The following C8orf34 variants were observed in gnomAD, a reference collection of about 807,000 sequenced individuals.
C8orf34 encodes uncharacterized protein C8orf34.
Under a neutral mutation model 68.3 loss-of-function variants are expected in C8orf34, and 65 were observed. The observed-to-expected ratio is 0.95, with a 90% CI of 0.78 to 1.17. C8orf34 has a LOEUF of 1.17. Ranked by LOEUF, C8orf34 falls within the 50% of genes most tolerant of loss-of-function variation. The pLI is 0.00. For missense variants in C8orf34, 664 were observed against 655.4 expected (o/e 1.01, Z -0.14); for synonymous variants, 244 against 241.2 (o/e 1.01, Z -0.11).
chr8:68,698,893 A>G lies in C8orf34; in HGVS notation c.1242-10101A>G, dbSNP rs1433409594. 2.6e-5 allele frequency among the ~76,000 whole-genome samples: 4 copies of G among 152,202 alleles called. No homozygotes were observed. In the East Asian group the frequency reaches 7.7e-4, roughly 29 times the overall value. Reference sequence around the variant, plus strand: ...GAAAAACACCAGCATCCCCTGGTAGAGTCTTCCCCATTTTTGAAATTCTGG... The same window carrying G: ...GAAAAACACCAGCATCCCCTGGTAGGGTCTTCCCCATTTTTGAAATTCTGG... On this transcript the variant is annotated intron_variant, in intron 8 of 13. Coordinates refer to ENST00000518698, the MANE Select transcript of C8orf34 (RefSeq NM_052958.4).
At chr8:68,371,475 A>G (rs906009936) in intron 1 of C8orf34, among the ~76,000 whole-genome samples, 1 of 152,194 alleles carries the variant, frequency 6.6e-6, no homozygotes, top group African/African-American at 2.4e-5. Context: ...TATTTATGAC[A>G]TCCTATATGA....
At chr8:68,697,879 C>A (rs1222879467) in intron 8 of C8orf34, among the ~76,000 whole-genome samples, 1 of 152,016 alleles carries the variant, frequency 6.6e-6, no homozygotes, top group Non-Finnish European at 1.5e-5. Context: ...CTCGGGGGAG[C>A]CTTTCTGTTT....
At chr8:68,470,326 G>A (rs940949268) in intron 4 of C8orf34, among the ~76,000 whole-genome samples, 9 of 152,088 alleles carry the variant, frequency 5.9e-5, no homozygotes, top group African/African-American at 2.2e-4. Context: ...ATTGAAGAAT[G>A]TGTCTGATCA....
intron 5 of C8orf34, among the ~76,000 whole-genome samples, chr8:68,489,901 A>T (rs1247770997): frequency 6.6e-6 from 1 of 152,230 alleles, no homozygotes; most frequent in East Asian, 1.9e-4. Context: ...ATTTATGAAT[A>T]TATTCTTAAA....
chr8:68,403,250 C>G (rs1809038208), intron 1 of C8orf34, among the ~76,000 whole-genome samples: 2 of 152,154 alleles, frequency 1.3e-5, no homozygotes, highest in South Asian at 4.1e-4. Context: ...GTGTCATGCT[C>G]CATCCCTTAC....
chr8:68,568,163 A>G (rs1816653849), intron 7 of C8orf34, among the ~76,000 whole-genome samples: 1 of 152,160 alleles, frequency 6.6e-6, no homozygotes, highest in Non-Finnish European at 1.5e-5. Flanking sequence ...TAGGAACACC[A>G]CACATCACTG....
chr8:68,595,279 C>T (rs1529831), intron 7 of C8orf34, among the ~76,000 whole-genome samples: 20,314 of 151,832 alleles, frequency 0.13, 1,842 homozygotes, highest in African/African-American at 0.25. Flanking sequence ...GATCTTTAAA[C>T]AATTGTCAAT....
intron 1 of C8orf34, among the ~76,000 whole-genome samples, chr8:68,402,993 AGCAG>A (rs1809024581): frequency 6.6e-6 from 1 of 152,212 alleles, no homozygotes; most frequent in Non-Finnish European, 1.5e-5. Context: ...ACTGGGAAGC[AGCAG>A]GCAGGGAAAC....
At position 68,754,128 on chromosome 8, in the gene C8orf34, C is replaced by T. The variant is rs190172489; in HGVS notation, c.1405-22271C>T. 4.9e-3 allele frequency among the ~76,000 whole-genome samples: 750 copies of T among 152,122 alleles called. 2 individuals are homozygous for T. Among genetic ancestry groups the T allele is most frequent in the Middle Eastern group, 0.014 (4 of 292 alleles). The stretch of plus-strand genomic sequence containing the variant: ...AATCACTTAAAAAATAAAAAAGGGC[C>T]GGGAGCAATTTAGTTCAACAAAGTG... On this transcript the variant is annotated intron_variant, in intron 10 of 13. Transcript: ENST00000518698.
chr8:68,351,691 G>GT (rs1311407309), intron 1 of C8orf34, among the ~76,000 whole-genome samples: 1 of 151,902 alleles, frequency 6.6e-6, no homozygotes, highest in Non-Finnish European at 1.5e-5. Flanking sequence ...GTGGACATAA[G>GT]TTTTCAATTC....
chr8:68,623,849 A>G (rs1433544058), intron 7 of C8orf34, among the ~76,000 whole-genome samples: 1 of 152,066 alleles, frequency 6.6e-6, no homozygotes, highest in Non-Finnish European at 1.5e-5. Context: ...ACCTCCTAAT[A>G]CCTTCACATC....
At chr8:68,762,323 T>C (rs1164730209) in intron 10 of C8orf34, among the ~76,000 whole-genome samples, 1 of 151,978 alleles carries the variant, frequency 6.6e-6, no homozygotes, top group Non-Finnish European at 1.5e-5. Flanking sequence ...TAACTGGCAG[T>C]GACCATAAGA....
chr8:68,756,911 C>T (rs1418229382), intron 10 of C8orf34, among the ~76,000 whole-genome samples: 19 of 152,040 alleles, frequency 1.2e-4, no homozygotes, highest in Admixed American at 1.2e-3. Flanking sequence ...TGAAAGAGAA[C>T]TCTTATTTAG....
intron 1 of C8orf34, among the ~76,000 whole-genome samples, chr8:68,399,094 T>C (rs1808842372): frequency 6.6e-6 from 1 of 152,186 alleles, no homozygotes; most frequent in Non-Finnish European, 1.5e-5. Context: ...TGAAACTGTA[T>C]TTATTAGAAT....
chr8:68,768,402 C>T (rs1452304594), intron 10 of C8orf34, among the ~76,000 whole-genome samples: 1 of 152,134 alleles, frequency 6.6e-6, no homozygotes, highest in Non-Finnish European at 1.5e-5. Context: ...CTGCTCATTG[C>T]CCCTGAGTTT....
chr8:68,336,662 G>A (rs1411243996), intron 1 of C8orf34, among the ~76,000 whole-genome samples: 1 of 152,114 alleles, frequency 6.6e-6, no homozygotes, highest in Non-Finnish European at 1.5e-5. Context: ...GAAGGGCCTG[G>A]GAATAACAAC....
At chr8:68,558,513 G>A (rs1412457572) in intron 7 of C8orf34, among the ~76,000 whole-genome samples, 1 of 151,542 alleles carries the variant, frequency 6.6e-6, no homozygotes, top group Admixed American at 6.6e-5. Context: ...GTACCAATAT[G>A]GAGGATTTAA....
At chr8:68,566,955 C>T (rs974800840) in intron 7 of C8orf34, among the ~76,000 whole-genome samples, 1 of 152,138 alleles carries the variant, frequency 6.6e-6, no homozygotes, top group Non-Finnish European at 1.5e-5. Context: ...TATGTTAAAC[C>T]ATCCCTGCAT....
At chr8:68,720,517 A>AT in intron 9 of C8orf34, among the ~76,000 whole-genome samples, 1 of 152,094 alleles carries the variant, frequency 6.6e-6, no homozygotes, top group South Asian at 2.1e-4. Flanking sequence ...TTAGGGCTTT[A>AT]TATGACTCCC....
Sources: gnomAD v4.1 joint callset for allele counts (sites outside exome capture counted in the v4.1 genomes callset) on GRCh38, gnomAD v4.1.1 for gene constraint, MANE v1.5 for transcripts, NCBI Gene and HGNC (gene_info 2026-07-23, HGNC 2026-07-21) for gene names.